Variants in PPP2R2C observed in about 807,000 individuals in gnomAD.
The protein encoded by PPP2R2C is protein phosphatase 2, regulatory subunit B, gamma.
PPP2R2C carries 10 observed loss-of-function variants against 45.3 expected under a neutral mutation model. The observed-to-expected ratio is 0.22, with a 90% confidence interval of 0.14 to 0.37. The LOEUF (loss-of-function observed/expected upper bound fraction) is 0.37, where lower values mean the gene tolerates loss of function less well. Ranked by LOEUF, PPP2R2C falls within the 10% of genes least tolerant of loss-of-function variation. The pLI is 1.00. For synonymous variants in PPP2R2C, 257 were observed against 245.4 expected (o/e 1.05, Z -0.44); for missense variants, 308 against 619.7 (o/e 0.50, Z 5.34).
intron 2 of PPP2R2C, among the ~76,000 whole-genome samples, chr4:6,519,391 G>C (rs139474754): frequency 1.3e-5 from 2 of 152,292 alleles, no homozygotes; most frequent in Non-Finnish European, 2.9e-5. Flanking sequence ...CCATGCTTTT[G>C]AGAGCCACAG....
At chr4:6,551,940 C>A (rs1725198095) in intron 1 of PPP2R2C, among the ~76,000 whole-genome samples, 1 of 152,184 alleles carries the variant, frequency 6.6e-6, no homozygotes, top group South Asian at 2.1e-4. Context: ...ATCATGGGAT[C>A]ATTTGTTAGG....
intron 2 of PPP2R2C, among the ~76,000 whole-genome samples, chr4:6,511,553 TG>T (rs1723498417): frequency 2.7e-5 from 1 of 37,160 alleles, no homozygotes. Flanking sequence ...GTGATGGTGG[TG>T]GTGGTGGTGG....
At chr4:6,536,565 CA>C (rs993156969) in intron 1 of PPP2R2C, among the ~76,000 whole-genome samples, 2 of 152,016 alleles carry the variant, frequency 1.3e-5, no homozygotes, top group African/African-American at 4.8e-5. Context: ...TGGCAGTGAC[CA>C]AAAAAAGGCC....
At chr4:6,490,237 G>A (rs374759024) in intron 2 of PPP2R2C, among the ~76,000 whole-genome samples, 6 of 152,118 alleles carry the variant, frequency 3.9e-5, no homozygotes, top group South Asian at 2.1e-4. Context: ...TCCTGGGAGC[G>A]CTCATCTGGG....
chr4:6,517,281 C>A (rs1723854523), intron 2 of PPP2R2C, among the ~76,000 whole-genome samples: 1 of 152,214 alleles, frequency 6.6e-6, no homozygotes, highest in South Asian at 2.1e-4. Flanking sequence ...CCATGCTGGG[C>A]ACACAACTGA....
intron 6 of PPP2R2C, among the ~76,000 whole-genome samples, chr4:6,339,088 T>A (rs554014170): frequency 1.3e-5 from 2 of 152,360 alleles, no homozygotes; most frequent in South Asian, 4.1e-4. Flanking sequence ...TACCAACTCC[T>A]ATACATCCTC....
At chr4:6,521,638 C>A (rs1437326519) in intron 2 of PPP2R2C, among the ~76,000 whole-genome samples, 1 of 152,138 alleles carries the variant, frequency 6.6e-6, no homozygotes, top group Admixed American at 6.5e-5. Flanking sequence ...TCTCCTCCCT[C>A]GAGGTGATGT....
Position 6,466,329 on chromosome 4 carries a change from T to G in PPP2R2C, c.70+5831A>C, listed in dbSNP as rs896402003. Among the ~76,000 whole-genome samples the G allele has an allele frequency of 3.3e-5, 5 of 152,176 alleles. No individual in the cohort carries two copies. The East Asian group carries it at 9.6e-4, about 29-fold the overall frequency. ...GATCCAAAGTGAAATTCTTAAAAAT[T>G]TCAAGATAGTAACAGCAGAACATGA... On this transcript the variant is annotated intron_variant, in intron 1 of 8. Coordinates refer to ENST00000382599, the MANE Select transcript of PPP2R2C (RefSeq NM_020416.4).
chr4:6,448,880 C>A (rs534269138), intron 1 of PPP2R2C, among the ~76,000 whole-genome samples: 1 of 152,142 alleles, frequency 6.6e-6, no homozygotes, highest in Non-Finnish European at 1.5e-5. Context: ...GAACTCCGGG[C>A]GGGGGCTGAC....
At chr4:6,346,136 CCT>C (rs1459892209) in intron 6 of PPP2R2C, among the ~76,000 whole-genome samples, 1 of 152,186 alleles carries the variant, frequency 6.6e-6, no homozygotes, top group Admixed American at 6.5e-5. Flanking sequence ...CCAACAACCC[CCT>C]CAGTGGGGTC....
At chr4:6,556,120 G>A (rs1317607023) in intron 1 of PPP2R2C, among the ~76,000 whole-genome samples, 1 of 152,182 alleles carries the variant, frequency 6.6e-6, no homozygotes, top group Non-Finnish European at 1.5e-5. Flanking sequence ...GCACGTGGGG[G>A]TTCATTCCAT....
chr4:6,527,084 T>G (rs28519448), intron 2 of PPP2R2C, among the ~76,000 whole-genome samples: 5,626 of 152,248 alleles, frequency 0.037, 359 homozygotes, highest in African/African-American at 0.13. Context: ...CTCAGCTCCA[T>G]TGTAAATCGC....
rs142974131 is a variant in PPP2R2C at position 6,329,993 on chromosome 4, G to A, written c.961-640C>T. Among the ~76,000 whole-genome samples, 49 of 152,172 alleles carry A rather than the reference G, an allele frequency of 3.2e-4. No homozygotes were observed. Among genetic ancestry groups the A allele is most frequent in the African/African-American group, 1.2e-3 (49 of 41,528 alleles). ...CACAGGGTGGCGGCCATCAAGAAAG[G>A]GGAAGAGGGAACCCACAGAGGTTTC... is the stretch of plus-strand genomic sequence containing the variant. On this transcript the variant is annotated intron_variant, in intron 7 of 8. Transcript: ENST00000382599. This position sits in a 1 kb window ranked among gnomAD's most constrained non-coding sequence, Gnocchi z 5.8.
At chr4:6,408,179 A>G (rs1214517825) in intron 1 of PPP2R2C, among the ~76,000 whole-genome samples, 3 of 152,206 alleles carry the variant, frequency 2.0e-5, no homozygotes, top group Non-Finnish European at 4.4e-5. Context: ...ATTAAGTTGT[A>G]TGTGCTCTTG....
chr4:6,488,888 G>A (rs773125651), intron 2 of PPP2R2C, among the ~76,000 whole-genome samples: 7 of 152,152 alleles, frequency 4.6e-5, no homozygotes, highest in African/African-American at 7.2e-5. Flanking sequence ...GACTGTGTGC[G>A]TGCTCTAAGT....
rs145812101 is a variant in PPP2R2C at position 6,420,936 on chromosome 4, C to T, written c.71-39842G>A. On this transcript the variant is annotated intron_variant, in intron 1 of 8. Transcript: ENST00000382599. Reference sequence around the variant, plus strand: ...CATCTGCTTACCAAGCCTCCTCCTACGCCACCTACCAGGCAGGCCTCAGAA... The same window carrying T: ...CATCTGCTTACCAAGCCTCCTCCTATGCCACCTACCAGGCAGGCCTCAGAA... 849 of 985,102 alleles carry T rather than the reference C, an allele frequency of 8.6e-4. 7 individuals carry two copies. In the African/African-American group the frequency reaches 0.01, roughly 12 times the overall value. 61.0% of individuals were successfully genotyped at this position (985,102 alleles called of 1,614,324 possible). A position where few individuals can be genotyped will look rare whatever the true frequency, so the allele number is the denominator to read the frequency against.
intron 2 of PPP2R2C, among the ~76,000 whole-genome samples, chr4:6,505,540 G>A (rs931656456): frequency 2.0e-5 from 3 of 152,138 alleles, no homozygotes; most frequent in Non-Finnish European, 2.9e-5. Context: ...TAAAGTGGTG[G>A]AAAATTAATA....
chr4:6,418,053 A>T (rs1270777707), intron 1 of PPP2R2C, among the ~76,000 whole-genome samples: 1 of 152,022 alleles, frequency 6.6e-6, no homozygotes, highest in Non-Finnish European at 1.5e-5. Flanking sequence ...TCTGCCCCTC[A>T]CCTTGCCTTG....
chr4:6,445,330 T>C (rs1486467571), intron 1 of PPP2R2C, among the ~76,000 whole-genome samples: 1 of 152,252 alleles, frequency 6.6e-6, no homozygotes, highest in African/African-American at 2.4e-5. Flanking sequence ...CAGAATCATT[T>C]CCACACACAT....
Sources: gnomAD v4.1 joint callset for allele counts (sites outside exome capture counted in the v4.1 genomes callset) on GRCh38, gnomAD v4.1.1 for gene constraint, Gnocchi (gnomAD v3.1) non-coding constraint, MANE v1.5 for transcripts, NCBI Gene and HGNC (gene_info 2026-07-23, HGNC 2026-07-21) for gene names.